MYOM1: variants seen among roughly 807,000 people sequenced by gnomAD.
MYOM1 encodes the protein myomesin 1.
A neutral mutation model predicts 205.3 loss-of-function variants in MYOM1; 164 were observed. The observed-to-expected ratio is 0.80, with a 90% CI of 0.70 to 0.91. The LOEUF (loss-of-function observed/expected upper bound fraction) is 0.91. Among genes scored for constraint, MYOM1 ranks in the 40% least tolerant of loss-of-function variants. MYOM1 has a pLI of 0.00. For synonymous variants in MYOM1, 772 were observed against 789.4 expected (o/e 0.98, Z 0.37); for missense variants, 2,011 against 2,127.3 (o/e 0.95, Z 1.08).
At chr18:3,171,724 G>T (rs929912898) in intron 8 of MYOM1, among the ~76,000 whole-genome samples, 1 of 152,072 alleles carries the variant, frequency 6.6e-6, no homozygotes, top group African/African-American at 2.4e-5. Flanking sequence ...AGTATTTTGC[G>T]ATGTGAAAAG....
the MYOM1 span, among the ~76,000 whole-genome samples, chr18:3,230,732 A>G: frequency 6.6e-6 from 1 of 152,228 alleles, no homozygotes; most frequent in Admixed American, 6.5e-5. Context: ...TAAACCCCGG[A>G]AAATTCCGTA....
chr18:3,156,008 CA>C (rs2080296877), intron 10 of MYOM1, among the ~76,000 whole-genome samples: 1 of 152,232 alleles, frequency 6.6e-6, no homozygotes, highest in South Asian at 2.1e-4. Context: ...GGAAACACTA[CA>C]ATCCCTTTTT....
At chr18:3,100,680 T>A (rs1233300532) in intron 23 of MYOM1, among the ~76,000 whole-genome samples, 3 of 152,188 alleles carry the variant, frequency 2.0e-5, no homozygotes, top group Non-Finnish European at 4.4e-5. Flanking sequence ...ATGCCCAAGC[T>A]ATGTTGCTTA....
At chr18:3,100,070 AATCCC>A in intron 25 of MYOM1, 84 bp downstream of exon 25, 6 of 1,304,232 alleles carry the variant, frequency 4.6e-6, no homozygotes, top group Middle Eastern at 5.1e-4. Context: ...TCTCTCTCTT[AATCCC>A]ATCAGAGCTG....
At chr18:3,185,794 T>A (rs2144133673) in intron 5 of MYOM1, among the ~76,000 whole-genome samples, 1 of 152,350 alleles carries the variant, frequency 6.6e-6, no homozygotes, top group African/African-American at 2.4e-5. Flanking sequence ...GTTTTCAAAC[T>A]CAGAAGCCCT....
chr18:3,090,790 G>T lies in MYOM1; in HGVS notation c.3877C>A (p.His1293Asn). The change falls in exon 27 of 38, where the codon CAT becomes AAT. Residue 1293 changes from histidine to asparagine, a missense_variant. Physicochemically the swap from His to Asn is moderately conservative, Grantham distance 68 (BLOSUM62 1). Coordinates refer to ENST00000356443, the MANE Select transcript of MYOM1 (RefSeq NM_003803.4). ...ATGATGCCAGTGTTTCGGTCAATATGCATTTTATATTTCTTCAGTGTGAAA... is the reference window on the plus strand; with the variant it reads ...ATGATGCCAGTGTTTCGGTCAATATTCATTTTATATTTCTTCAGTGTGAAA... ...EIFEGPKYKMHIDRNTGIIEM... is the reference protein window; with the variant it reads ...EIFEGPKYKMNIDRNTGIIEM... 2 of 1,613,768 alleles carry T rather than the reference G, an allele frequency of 1.2e-6. No homozygotes were observed. Among genetic ancestry groups the T allele is most frequent in the Non-Finnish European group, 1.7e-6 (2 of 1,179,792 alleles).
intron 3 of MYOM1, among the ~76,000 whole-genome samples, chr18:3,193,361 TAC>T (rs58632082): frequency 1.2e-4 from 16 of 135,892 alleles, no homozygotes; most frequent in African/African-American, 2.1e-4. Flanking sequence ...TATATATATA[TAC>T]ACACACACAC....
intron 21 of MYOM1, among the ~76,000 whole-genome samples, chr18:3,114,836 G>A (rs948451845): frequency 1.3e-5 from 2 of 151,984 alleles, no homozygotes; most frequent in Non-Finnish European, 2.9e-5. Flanking sequence ...AGGTTTGTTA[G>A]GTATACTTAA....
At chr18:3,242,304 T>C in the MYOM1 span, among the ~76,000 whole-genome samples, 1 of 152,156 alleles carries the variant, frequency 6.6e-6, no homozygotes, top group African/African-American at 2.4e-5. Flanking sequence ...TGGGGGCAGT[T>C]CTTTCCTGTG....
rs1418642879 is a variant in MYOM1, at chr18:3,079,143, C to A, written c.4648+36G>T. The A allele has an allele frequency of 2.5e-6, 4 of 1,604,680 alleles. No individual in the cohort carries two copies. In the East Asian group the frequency reaches 8.9e-5, roughly 36 times the overall value. On this transcript the variant is annotated intron_variant, in intron 34 of 37. Coordinates refer to ENST00000356443, the MANE Select transcript of MYOM1 (RefSeq NM_003803.4). ...CATTCCTTTTAAAAGGCTCATTCAT[C>A]TAGAGTAAATTTGAATCTGCAAAAT...
Position 3,090,817 on chromosome 18 carries a change from G to GA in MYOM1, c.3865-16dup. 1 of 1,613,402 alleles carries GA rather than the reference G, an allele frequency of 6.2e-7. No homozygotes were observed. Among genetic ancestry groups the GA allele is most frequent in the Non-Finnish European group, 8.5e-7 (1 of 1,179,594 alleles). ...ATTTTATATTTCTTCAGTGTGAAAAGAAAATGACAGAGAAATCACTGAGGC... is the reference window on the plus strand; with the variant it reads ...ATTTTATATTTCTTCAGTGTGAAAAGAAAAATGACAGAGAAATCACTGAGGC... On this transcript the variant is annotated splice_polypyrimidine_tract_variant and intron_variant, in intron 26 of 37. Coordinates refer to ENST00000356443, the MANE Select transcript of MYOM1 (RefSeq NM_003803.4).
intron 8 of MYOM1, among the ~76,000 whole-genome samples, chr18:3,169,845 G>T (rs966281377): frequency 2.0e-5 from 3 of 152,128 alleles, no homozygotes; most frequent in African/African-American, 7.2e-5. Context: ...TCTGCACTCC[G>T]ATGTTTATTG....
At chr18:3,245,330 G>A in the MYOM1 span, among the ~76,000 whole-genome samples, 1 of 151,830 alleles carries the variant, frequency 6.6e-6, no homozygotes, top group African/African-American at 2.4e-5. Flanking sequence ...AGCTGTGATA[G>A]AACACAGCAC....
chr18:3,128,387 C>T lies in MYOM1; in HGVS notation c.2794+845G>A, dbSNP rs180962594. ...TAAAAATTTATCAGCACATGTGCTT[C>T]AGTTCATTGTTGTTTGATAGGAAAA... On this transcript the variant is annotated intron_variant, in intron 18 of 37. Coordinates refer to ENST00000356443, the MANE Select transcript of MYOM1 (RefSeq NM_003803.4). Among the ~76,000 whole-genome samples, 109 of 152,264 alleles carry T rather than the reference C, an allele frequency of 7.2e-4. 1 individual carries two copies. The East Asian group carries it at 0.015, about 21-fold the overall frequency.
At position 3,175,959 on chromosome 18, in the gene MYOM1, T is replaced by G. The variant is rs1389360019; in HGVS notation, c.1022+83A>C. 7 of 809,362 alleles carry G rather than the reference T, an allele frequency of 8.6e-6. No homozygotes were observed. The African/African-American group carries it at 1.2e-4, about 14-fold the overall frequency. 50.1% of individuals were successfully genotyped at this position (809,362 alleles called of 1,614,324 possible). A position where few individuals can be genotyped will look rare whatever the true frequency, so the allele number is the denominator to read the frequency against. On this transcript the variant is annotated intron_variant, in intron 6 of 37. Coordinates refer to ENST00000356443, the MANE Select transcript of MYOM1 (RefSeq NM_003803.4). ...GTGATCACACAGCATTGGGATGAAG[T>G]GGGGAGAGTGGCTGTTAACTGCAGG...
chr18:3,191,911 T>A (rs916033177), intron 3 of MYOM1, among the ~76,000 whole-genome samples: 2 of 152,110 alleles, frequency 1.3e-5, no homozygotes, highest in Non-Finnish European at 2.9e-5. Flanking sequence ...TTAGCCAGGA[T>A]GGTCTCAATC....
intron 12 of MYOM1, among the ~76,000 whole-genome samples, chr18:3,150,566 C>A (rs1192020742): frequency 6.6e-6 from 1 of 152,038 alleles, no homozygotes; most frequent in Non-Finnish European, 1.5e-5. Context: ...ATGAACAGAA[C>A]ACCCCTAGCC....
intron 37 of MYOM1, among the ~76,000 whole-genome samples, chr18:3,068,776 T>G (rs1466444462): frequency 6.6e-6 from 1 of 152,240 alleles, no homozygotes; most frequent in Non-Finnish European, 1.5e-5. Flanking sequence ...AAGGGTCATC[T>G]GAGCTTTTTC....
Position 3,102,509 on chromosome 18 carries a change from G to A in MYOM1, c.3540C>T (p.Asp1180=), listed in dbSNP as rs1467102206. 6.2e-7 allele frequency: 1 copy of A among 1,613,656 alleles called. No homozygotes were observed. The highest frequency in any genetic ancestry group is 2.2e-5 in the East Asian group (1 of 44,854). Residue 1180 remains aspartate, a synonymous_variant, in exon 23 of 38, where the codon GAC becomes GAT. Transcript: ENST00000356443. ...TGCTTTCGACTTCCAATCGTGGAGA[G>A]TCCTCAGTGGATACATAATCTTTGG... is the stretch of plus-strand genomic sequence containing the variant. The part of the protein sequence containing the change: ...SWSKDYVSTE[D]SPRLEVESKG...
Sources: gnomAD v4.1 joint callset for allele counts (sites outside exome capture counted in the v4.1 genomes callset) on GRCh38, gnomAD v4.1.1 for gene constraint, MANE v1.5 for transcripts, NCBI Gene and HGNC (gene_info 2026-07-23, HGNC 2026-07-21) for gene names.